Variants in ATP1B3 observed in about 807,000 individuals in gnomAD.
ATP1B3 encodes ATPase Na+/K+ transporting subunit beta 3.
In ATP1B3, 10 loss-of-function variants were observed where a neutral mutation model predicts 30.2. The ratio of observed to expected loss-of-function variants is 0.33; its 90% CI spans 0.20 to 0.56. ATP1B3 has a LOEUF of 0.56. Among genes scored for constraint, ATP1B3 ranks in the 20% least tolerant of loss-of-function variants. The pLI, the probability that ATP1B3 is intolerant of heterozygous loss-of-function variation, is 0.90. For synonymous variants in ATP1B3, 113 were observed against 117.0 expected, an observed-to-expected ratio of 0.97 and a Z score of 0.22; for missense variants, 238 against 336.7, an observed-to-expected ratio of 0.71 and a Z score of 2.29.
intron 1 of ATP1B3, among the ~76,000 whole-genome samples, chr3:141,901,044 A>G (rs1934152959): frequency 6.6e-6 from 1 of 152,138 alleles, no homozygotes; most frequent in Non-Finnish European, 1.5e-5. Flanking sequence ...TGGCCTCCCA[A>G]AGTGCTGGGA....
intron 1 of ATP1B3, among the ~76,000 whole-genome samples, chr3:141,883,231 T>C (rs1933764878): frequency 6.6e-6 from 1 of 152,212 alleles, no homozygotes; most frequent in African/African-American, 2.4e-5. Flanking sequence ...CTCTTGCCTG[T>C]AATCCCAGCA....
intron 3 of ATP1B3, among the ~76,000 whole-genome samples, chr3:141,910,170 C>T (rs1008267474): frequency 6.6e-6 from 1 of 152,036 alleles, no homozygotes; most frequent in African/African-American, 2.4e-5. Flanking sequence ...TGGGGTCTTG[C>T]TATGTTGCCC....
intron 1 of ATP1B3, among the ~76,000 whole-genome samples, chr3:141,891,312 C>G (rs750262008): frequency 1.3e-5 from 2 of 152,094 alleles, no homozygotes; most frequent in Non-Finnish European, 2.9e-5. Flanking sequence ...CCAAATAGTG[C>G]AAGCCTTATA....
chr3:141,918,245 G>C (rs1934504159), intron 5 of ATP1B3: 1 of 152,188 alleles, frequency 6.6e-6, no homozygotes, highest in African/African-American at 2.4e-5. Flanking sequence ...TGGGTGCTAG[G>C]CTTCAGCTGG....
chr3:141,890,266 T>G (rs1313707521), intron 1 of ATP1B3, among the ~76,000 whole-genome samples: 2 of 146,154 alleles, frequency 1.4e-5, no homozygotes, highest in East Asian at 2.0e-4. Context: ...GATTTTTGTT[T>G]GTTTGTTTTT....
At chr3:141,909,216 G>A (rs76135593) in intron 3 of ATP1B3, among the ~76,000 whole-genome samples, 4,921 of 152,192 alleles carry the variant, frequency 0.032, 269 homozygotes, top group African/African-American at 0.11. Context: ...AGTATTATCC[G>A]TGGTTTAATA....
At chr3:141,908,849 A>G (rs530507323) in intron 3 of ATP1B3, among the ~76,000 whole-genome samples, 9 of 152,346 alleles carry the variant, frequency 5.9e-5, no homozygotes, top group Admixed American at 2.6e-4. Context: ...GAGCTCCTCC[A>G]GTTTCCCCAT....
chr3:141,890,122 G>T (rs1189879276), intron 1 of ATP1B3, among the ~76,000 whole-genome samples: 4 of 127,948 alleles, frequency 3.1e-5, no homozygotes, highest in African/African-American at 1.3e-4. Context: ...ACAGAGTGTG[G>T]CTCGGTCACC....
At chr3:141,899,208 G>T (rs1934118785) in intron 1 of ATP1B3, among the ~76,000 whole-genome samples, 2 of 152,090 alleles carry the variant, frequency 1.3e-5, no homozygotes, top group Admixed American at 6.5e-5. Flanking sequence ...TATGTGAATG[G>T]TATGCGAATA....
At chr3:141,902,236 G>A (rs759831935) in intron 1 of ATP1B3, 1 of 1,280,932 alleles carries the variant, frequency 7.8e-7, no homozygotes, top group Non-Finnish European at 1.0e-6. Flanking sequence ...TGGTAATTGG[G>A]GGGGAGGGGT....
At chr3:141,916,270 AAGATTC>A (rs1934459786) in intron 5 of ATP1B3, 1 of 512,370 alleles carries the variant, frequency 2.0e-6, no homozygotes, top group South Asian at 1.6e-5. Flanking sequence ...CATCAATTCT[AAGATTC>A]ACTTTTTTTC....
intron 3 of ATP1B3, among the ~76,000 whole-genome samples, chr3:141,912,787 C>T (rs1443497117): frequency 3.9e-5 from 6 of 152,166 alleles, no homozygotes; most frequent in Non-Finnish European, 1.5e-5. Flanking sequence ...TTGTCTGTTG[C>T]ATATTTCTCC....
At chr3:141,911,489 G>A (rs1198853251) in intron 3 of ATP1B3, among the ~76,000 whole-genome samples, 1 of 147,528 alleles carries the variant, frequency 6.8e-6, no homozygotes, top group Non-Finnish European at 1.5e-5. Context: ...CAGTTATCTT[G>A]GTCTTTTTTT....
intron 1 of ATP1B3, among the ~76,000 whole-genome samples, chr3:141,897,984 A>G (rs755641595): frequency 9.2e-5 from 14 of 152,230 alleles, no homozygotes; most frequent in Non-Finnish European, 1.8e-4. Flanking sequence ...TGCTGGGATT[A>G]TAGGCATGAG....
chr3:141,924,987 G>A (rs920786586), intron 6 of ATP1B3, among the ~76,000 whole-genome samples: 1 of 151,812 alleles, frequency 6.6e-6, no homozygotes, highest in African/African-American at 2.4e-5. Flanking sequence ...ATAATAGGCC[G>A]GGTGTGGTGG....
In ATP1B3 at chr3:141,899,481, G is replaced by A. The variant is rs143836633; in HGVS notation, c.110-4139G>A. 2.0e-5 allele frequency among the ~76,000 whole-genome samples: 3 copies of A among 152,294 alleles called. No individual in the cohort carries two copies. In the East Asian group the frequency reaches 5.8e-4, roughly 29 times the overall value. ...CAGAGGTTGAGAGTAAGATCACAGG[G>A]TCTAGTCATGTGTTGAGGGGGCATA... On this transcript the variant is annotated intron_variant, in intron 1 of 6. Coordinates refer to ENST00000286371, the MANE Select transcript of ATP1B3 (RefSeq NM_001679.4).
chr3:141,900,165 TTCAAGATGGAGCA>T (rs1292610319), intron 1 of ATP1B3, among the ~76,000 whole-genome samples: 1 of 152,078 alleles, frequency 6.6e-6, no homozygotes, highest in Non-Finnish European at 1.5e-5. Context: ...CCTAGATAGC[TTCAAGATGGAGCA>T]TGGTCCCCCA....
chr3:141,913,083 A>C (rs903100533), intron 3 of ATP1B3, among the ~76,000 whole-genome samples: 1 of 152,046 alleles, frequency 6.6e-6, no homozygotes, highest in Non-Finnish European at 1.5e-5. Flanking sequence ...CACCCCTCAA[A>C]ATTCTTTAAC....
chr3:141,898,377 A>G (rs947367483), intron 1 of ATP1B3, among the ~76,000 whole-genome samples: 4 of 152,258 alleles, frequency 2.6e-5, no homozygotes, highest in Non-Finnish European at 5.9e-5. Context: ...GCTTGTATCT[A>G]TATATAAATA....
Sources: gnomAD v4.1 joint callset for allele counts (sites outside exome capture counted in the v4.1 genomes callset) on GRCh38, gnomAD v4.1.1 for gene constraint, MANE v1.5 for transcripts, NCBI Gene and HGNC (gene_info 2026-07-23, HGNC 2026-07-21) for gene names.